Variants in PIP4K2B observed in about 807,000 individuals in gnomAD.
The protein encoded by PIP4K2B is phosphatidylinositol-5-phosphate 4-kinase type 2 beta.
In PIP4K2B, 3 loss-of-function variants were observed where a neutral mutation model predicts 42.0. That is an observed-to-expected ratio of 0.07 (90% CI 0.03 to 0.18). PIP4K2B has a LOEUF of 0.18. Among genes scored for constraint, PIP4K2B ranks in the 10% least tolerant of loss-of-function variants. PIP4K2B has a pLI of 1.00. For missense variants in PIP4K2B, 332 were observed against 562.3 expected (o/e 0.59, Z 4.14); for synonymous variants, 204 against 210.1 (o/e 0.97, Z 0.25).
intron 9 of PIP4K2B, 137 bp from the exon 10 acceptor site, chr17:38,769,908 G>T: frequency 1.4e-6 from 1 of 733,650 alleles, no homozygotes. Flanking sequence ...CACCAAGACT[G>T]AGCAGACCAC....
At position 38,772,262 on chromosome 17, in the gene PIP4K2B, T is replaced by C. The variant is rs550405055; in HGVS notation, c.808-990A>G. On this transcript the variant is annotated intron_variant, in intron 7 of 9. Coordinates refer to ENST00000619039, the MANE Select transcript of PIP4K2B (RefSeq NM_003559.5). ...TTCAGTTACCTGTGGTCAACTACAG[T>C]CCAAAAATATTAAATGGAAAATTCC... Among the ~76,000 whole-genome samples the C allele has an allele frequency of 2.0e-5, 3 of 152,182 alleles. No individual in the cohort carries two copies. The South Asian group carries it at 6.2e-4, about 32-fold the overall frequency.
chr17:38,784,330 C>T lies in PIP4K2B; in HGVS notation c.267G>A (p.Leu89=), dbSNP rs748277541. Residue 89 remains leucine (L), a synonymous_variant, in exon 3 of 10, where the codon CTG becomes CTA. Transcript: ENST00000619039. ...ACTCCTTAAACTTAAAGCGGCTGGG[C>T]AGGTTCTCCCTAGGGAAAAGCAGAG... is the stretch of plus-strand genomic sequence containing the variant. The part of the protein sequence containing the change: ...VDNHLFNKEN[L]PSRFKFKEYC... The T allele has an allele frequency of 4.3e-6, 7 of 1,609,310 alleles. No homozygotes were observed. Among genetic ancestry groups the T allele is most frequent in the South Asian group, 2.2e-5 (2 of 90,964 alleles).
In PIP4K2B at chr17:38,799,238, C is replaced by G. The variant is rs770425927; in HGVS notation, c.159+28G>C. 1 of 1,567,020 alleles carries G rather than the reference C, an allele frequency of 6.4e-7. No homozygotes were observed. ...GGGCGTGGGAGCGCGCGGGGCCGCGCTCAGAGGGGCGCGCAGGAGCTGGTT... is the reference window on the plus strand; with the variant it reads ...GGGCGTGGGAGCGCGCGGGGCCGCGGTCAGAGGGGCGCGCAGGAGCTGGTT... On this transcript the variant is annotated intron_variant, in intron 1 of 9. Coordinates refer to ENST00000619039, the MANE Select transcript of PIP4K2B (RefSeq NM_003559.5). The surrounding 1 kb of genome is among the most constrained non-coding windows in gnomAD (Gnocchi z 4.4).
At chr17:38,779,609 G>T in intron 4 of PIP4K2B, 80 bp from the exon 5 acceptor site, 1 of 1,219,324 alleles carries the variant, frequency 8.2e-7, no homozygotes, top group Middle Eastern at 2.0e-4. Flanking sequence ...AGACTAAAAT[G>T]CTCCCTGGCT....
intron 1 of PIP4K2B, among the ~76,000 whole-genome samples, chr17:38,793,166 T>C (rs1910430116): frequency 6.6e-6 from 1 of 151,940 alleles, no homozygotes; most frequent in Non-Finnish European, 1.5e-5. Context: ...TGACCTCAAG[T>C]GATCCGCCTG....
intron 4 of PIP4K2B, 188 bp from the exon 5 acceptor site, chr17:38,779,717 C>G: frequency 1.8e-6 from 1 of 546,600 alleles, no homozygotes; most frequent in Non-Finnish European, 3.3e-6. Flanking sequence ...CCACCTCCAG[C>G]CTCCTGTTGG....
At chr17:38,790,286 T>A (rs1444664349) in intron 1 of PIP4K2B, among the ~76,000 whole-genome samples, 1 of 152,218 alleles carries the variant, frequency 6.6e-6, no homozygotes, top group Non-Finnish European at 1.5e-5. Flanking sequence ...ACCATTCCAC[T>A]TCTTTGTTTT....
intron 7 of PIP4K2B, among the ~76,000 whole-genome samples, chr17:38,775,395 G>A (rs755425944): frequency 6.6e-6 from 1 of 152,156 alleles, no homozygotes; most frequent in Non-Finnish European, 1.5e-5. Flanking sequence ...AGGACTACAG[G>A]CACATGTCAC....
chr17:38,772,659 G>A (rs957174205), intron 7 of PIP4K2B, among the ~76,000 whole-genome samples: 3 of 152,170 alleles, frequency 2.0e-5, no homozygotes, highest in Non-Finnish European at 4.4e-5. Context: ...TCGGCTCACT[G>A]CAACCTCCAC....
Position 38,771,176 on chromosome 17 carries a change from C to G in PIP4K2B, c.904G>C (p.Ala302Pro). ...EQEEMEVEER[A>P]EDEECENDGV... Reference sequence around the variant, plus strand: ...TCATTCTCACACTCCTCGTCCTCTGCCCGCTCCTCCACCTCCATCTCCTCC... The same window carrying G: ...TCATTCTCACACTCCTCGTCCTCTGGCCGCTCCTCCACCTCCATCTCCTCC... Residue 302 changes from alanine to proline, a missense_variant, in exon 8 of 10, where the codon GCA becomes CCA. Physicochemically the swap from Ala to Pro is conservative, Grantham distance 27. Coordinates refer to ENST00000619039, the MANE Select transcript of PIP4K2B (RefSeq NM_003559.5). The G allele has an allele frequency of 6.2e-7, 1 of 1,614,114 alleles. No homozygotes were observed. Among genetic ancestry groups the G allele is most frequent in the Non-Finnish European group, 8.5e-7 (1 of 1,180,022 alleles).
rs753752885 is a variant in PIP4K2B, at chr17:38,771,065, G to A, written c.1015C>T (p.Pro339Ser). 1 of 1,614,106 alleles carries A rather than the reference G, an allele frequency of 6.2e-7. No individual in the cohort carries two copies. Among genetic ancestry groups the A allele is most frequent in the Non-Finnish European group, 8.5e-7 (1 of 1,180,014 alleles). The change falls in exon 8 of 10, where the codon CCT becomes TCT. Residue 339 changes from proline (P) to serine (S), a missense_variant. Physicochemically the swap from Pro to Ser is moderately conservative, Grantham distance 74. Around this residue, in one of 6 missense-constraint regions of PIP4K2B, gnomAD observed 63 missense variants for 71.6 expected, o/e 0.88. Transcript: ENST00000619039. ...NLLSFPRFFGPGEFDPSVDVY... is the reference protein window; with the variant it reads ...NLLSFPRFFGSGEFDPSVDVY... ...TCAACAGAGGGGTCGAATTCCCCAG[G>A]ACCAAAGAACCGAGGAAAGCTGAGG...
chr17:38,793,878 AC>A (rs1464676519), intron 1 of PIP4K2B, among the ~76,000 whole-genome samples: 1 of 149,100 alleles, frequency 6.7e-6, no homozygotes, highest in East Asian at 1.9e-4. Context: ...CCTCAAAAAA[AC>A]AAACAAAAAA....
At position 38,799,188 on chromosome 17, in the gene PIP4K2B, C is replaced by CGGGGCAA. The variant is rs1567666041; in HGVS notation, c.159+71_159+77dup. 1.4e-6 allele frequency: 2 copies of CGGGGCAA among 1,409,094 alleles called. No homozygotes were observed. Among genetic ancestry groups the CGGGGCAA allele is most frequent in the African/African-American group, 3.0e-5 (2 of 66,596 alleles). The allele number at this position is 1,409,094 out of a possible 1,614,324, so 87.3% of individuals were successfully genotyped here. A position where few individuals can be genotyped will look rare whatever the true frequency, so the allele number is the denominator to read the frequency against. On this transcript the variant is annotated intron_variant, in intron 1 of 9. Coordinates refer to ENST00000619039, the MANE Select transcript of PIP4K2B (RefSeq NM_003559.5). The surrounding 1 kb of genome is among the most constrained non-coding windows in gnomAD (Gnocchi z 4.4). Reference sequence around the variant, plus strand: ...TGGCAGGCGTCACCGGCAGGGCCTGCGGGGCAAGGGCCCAGGGCTGCAGGG... The same window carrying CGGGGCAA: ...TGGCAGGCGTCACCGGCAGGGCCTGCGGGGCAAGGGGCAAGGGCCCAGGGCTGCAGGG...
chr17:38,772,540 G>C (rs746411899), intron 7 of PIP4K2B, among the ~76,000 whole-genome samples: 1 of 152,158 alleles, frequency 6.6e-6, no homozygotes, highest in Non-Finnish European at 1.5e-5. Context: ...CACAGAGCAA[G>C]AGTAGTGATG....
chr17:38,772,188 T>C (rs1328555619), intron 7 of PIP4K2B, among the ~76,000 whole-genome samples: 4 of 152,354 alleles, frequency 2.6e-5, no homozygotes, highest in African/African-American at 9.6e-5. Flanking sequence ...GGGCTGGAAC[T>C]AGGATTTCTT....
chr17:38,799,428 C>CGGG lies in PIP4K2B; in HGVS notation c.-7_-5dup. 6.3e-7 allele frequency: 1 copy of CGGG among 1,578,752 alleles called. No individual in the cohort carries two copies. The highest frequency in any genetic ancestry group is 8.6e-7 in the Non-Finnish European group (1 of 1,169,160). On this transcript the variant is annotated 5_prime_UTR_variant, in exon 1 of 10. Coordinates refer to ENST00000619039, the MANE Select transcript of PIP4K2B (RefSeq NM_003559.5). This position sits in a 1 kb window ranked among gnomAD's most constrained non-coding sequence, Gnocchi z 4.4. ...TGCTGGTGCAGTTGGACGACATGCC[C>CGGG]GGGGCGGCGGCGGCGGCGGCGAAAG...
chr17:38,785,648 C>T (rs1436739192), intron 2 of PIP4K2B, among the ~76,000 whole-genome samples: 1 of 152,174 alleles, frequency 6.6e-6, no homozygotes, highest in Non-Finnish European at 1.5e-5. Context: ...CACTGCACTA[C>T]AGCCTGGGCA....
rs1909769690 is a variant in PIP4K2B, at chr17:38,782,506, T to C, written c.354+1737A>G. On this transcript the variant is annotated intron_variant, in intron 3 of 9. Transcript: ENST00000619039. ...TTGGGGTTGCAATAGTGGCAAGAAG[T>C]TTCCAGAAAACCTCCAGCCCCAGTC... 3.9e-5 allele frequency among the ~76,000 whole-genome samples: 6 copies of C among 152,160 alleles called. No homozygotes were observed. In the South Asian group the frequency reaches 1.2e-3, roughly 32 times the overall value.
Position 38,769,598 on chromosome 17 carries a change from C to T in PIP4K2B, c.*93G>A. On this transcript the variant is annotated 3_prime_UTR_variant, in exon 10 of 10. Transcript: ENST00000619039. ...CCTCCCAAACCCGACTCTGCTCCCA[C>T]CCTCCCATCTAGCCCAAATACACCC... is the stretch of plus-strand genomic sequence containing the variant. The T allele has an allele frequency of 1.2e-6, 1 of 802,510 alleles. No individual in the cohort carries two copies. Among genetic ancestry groups the T allele is most frequent in the Non-Finnish European group, 2.3e-6 (1 of 441,356 alleles). 49.7% of individuals were successfully genotyped at this position (802,510 alleles called of 1,614,324 possible). A position where few individuals can be genotyped will look rare whatever the true frequency, so the allele number is the denominator to read the frequency against.
Sources: allele counts gnomAD v4.1 joint callset (sites outside exome capture counted in the v4.1 genomes callset), GRCh38; gene constraint gnomAD v4.1.1; regional missense constraint gnomAD v4.1.1; non-coding constraint Gnocchi (gnomAD v3.1); transcripts MANE v1.5; gene names NCBI Gene and HGNC (gene_info 2026-07-23, HGNC 2026-07-21).